The following BMP8A variants were observed in gnomAD, a reference collection of about 807,000 sequenced individuals.
The protein encoded by BMP8A is bone morphogenetic protein 8a.
BMP8A carries 14 observed loss-of-function variants against 36.8 expected under a neutral mutation model. The ratio of observed to expected loss-of-function variants is 0.38; its 90% confidence interval spans 0.25 to 0.60. BMP8A has a LOEUF of 0.60. Among genes scored for constraint, BMP8A ranks in the 20% least tolerant of loss-of-function variants. The probability of loss-of-function intolerance (pLI) is 0.63; values close to 1 mark genes in which losing one functional copy is unlikely to be tolerated. For missense variants in BMP8A, 267 were observed against 551.1 expected (o/e 0.48, Z 5.16); for synonymous variants, 120 against 237.7 (o/e 0.50, Z 4.55).
At chr1:39,525,526 G>A (rs1645474073) in intron 6 of BMP8A, 123 bp from the exon 7 acceptor site, 1 of 1,284,888 alleles carries the variant, frequency 7.8e-7, no homozygotes, top group Non-Finnish European at 1.1e-6. Flanking sequence ...TTATTATTGT[G>A]CTGCTCCCAT....
At position 39,519,006 on chromosome 1, in the gene BMP8A, C is replaced by T. The variant is rs1360996048; in HGVS notation, c.674-2370C>T. ...GCCTGTGAGACCTACAGAGGGGTTC[C>T]CAGCACCCAAGCCAGGCCTGGCTCA... On this transcript the variant is annotated intron_variant, in intron 3 of 6. Transcript: ENST00000331593. 7.7e-5 allele frequency among the ~76,000 whole-genome samples: 7 copies of T among 90,830 alleles called. 1 individual carries two copies. Among genetic ancestry groups the T allele is most frequent in the African/African-American group, 2.5e-4 (5 of 20,192 alleles). The allele number at this position is 90,830 out of a possible 152,430, so 59.6% of individuals were successfully genotyped here.
chr1:39,493,767 T>C (rs575750381), intron 1 of BMP8A, among the ~76,000 whole-genome samples: 2 of 152,214 alleles, frequency 1.3e-5, no homozygotes, highest in African/African-American at 2.4e-5. Flanking sequence ...GAGGAGACCA[T>C]CTGTGAAGCT....
intron 1 of BMP8A, among the ~76,000 whole-genome samples, chr1:39,505,224 T>G (rs1232065091): frequency 6.6e-6 from 1 of 152,178 alleles, no homozygotes; most frequent in Admixed American, 6.5e-5. Flanking sequence ...TATCTCAGGC[T>G]GTCTCAGTGC....
At chr1:39,492,995 C>T (rs937768890) in intron 1 of BMP8A, among the ~76,000 whole-genome samples, 8 of 152,196 alleles carry the variant, frequency 5.3e-5, no homozygotes, top group African/African-American at 1.9e-4. Context: ...CAGGCAAAGC[C>T]GGGCTTTTCC....
intron 6 of BMP8A, among the ~76,000 whole-genome samples, chr1:39,525,438 C>T (rs531820973): frequency 6.6e-6 from 1 of 152,272 alleles, no homozygotes; most frequent in East Asian, 1.9e-4. Context: ...TGCCATGTAT[C>T]CCTCCCTGGG....
Position 39,527,206 on chromosome 1 carries a change from T to G in BMP8A, c.*1408T>G, listed in dbSNP as rs1180342. Among the ~76,000 whole-genome samples, 84,959 of 152,042 alleles carry G rather than the reference T, an allele frequency of 0.56. 24,905 individuals carry two copies. The highest frequency in any genetic ancestry group is 0.77 in the South Asian group (3,697 of 4,818). On this transcript the variant is annotated 3_prime_UTR_variant, in exon 7 of 7. Transcript: ENST00000331593. ...CTGTGAGTCAAAGAAAAGGTCCCTG[T>G]CCCAGGGAGTGACAGGCAGTAATTA... is the stretch of plus-strand genomic sequence containing the variant.
intron 1 of BMP8A, among the ~76,000 whole-genome samples, chr1:39,500,672 A>T (rs1347424432): frequency 6.6e-6 from 1 of 150,922 alleles, no homozygotes; most frequent in Non-Finnish European, 1.5e-5. Flanking sequence ...TTTATTTTTG[A>T]GACGGAGTCT....
intron 1 of BMP8A, among the ~76,000 whole-genome samples, chr1:39,500,457 C>T (rs1442785213): frequency 2.6e-5 from 4 of 152,056 alleles, no homozygotes; most frequent in Non-Finnish European, 4.4e-5. Context: ...CAGAACAGCC[C>T]CTGCAACCGA....
intron 4 of BMP8A, chr1:39,522,199 T>A: frequency 1.8e-6 from 1 of 554,370 alleles, no homozygotes; most frequent in Non-Finnish European, 3.2e-6. Context: ...AGTGTCACTC[T>A]AGCCATTGGG....
Position 39,516,349 on chromosome 1 carries a change from C to A in BMP8A, c.673+4445C>A. On this transcript the variant is annotated intron_variant, in intron 3 of 6. Coordinates refer to ENST00000331593, the MANE Select transcript of BMP8A (RefSeq NM_181809.4). ...TGGACCGCATCATCACCGAGAAGGCCGTGTTTGACGTGCACAGGAAGAAAA... is the reference window on the plus strand; with the variant it reads ...TGGACCGCATCATCACCGAGAAGGCAGTGTTTGACGTGCACAGGAAGAAAA... The A allele has an allele frequency of 2.8e-6, 2 of 707,470 alleles. 1 individual carries two copies. Among genetic ancestry groups the A allele is most frequent in the South Asian group, 4.3e-5 (2 of 46,764 alleles). 43.8% of individuals were successfully genotyped at this position (707,470 alleles called of 1,614,324 possible). A position where few individuals can be genotyped will look rare whatever the true frequency, so the allele number is the denominator to read the frequency against.
At chr1:39,501,262 G>A (rs990057758) in intron 1 of BMP8A, among the ~76,000 whole-genome samples, 23 of 152,202 alleles carry the variant, frequency 1.5e-4, no homozygotes, top group Admixed American at 1.5e-3. Context: ...TCCCACCTCC[G>A]ATCACAGCCA....
intron 1 of BMP8A, among the ~76,000 whole-genome samples, chr1:39,494,050 C>T (rs1250081472): frequency 6.6e-6 from 1 of 152,194 alleles, no homozygotes; most frequent in Non-Finnish European, 1.5e-5. Context: ...AAAGGAGGTG[C>T]CTGGTGATCT....
Position 39,494,404 on chromosome 1 carries a change from G to A in BMP8A, c.334+2079G>A, listed in dbSNP as rs1328607483. Among the ~76,000 whole-genome samples, 4 of 143,832 alleles carry A rather than the reference G, an allele frequency of 2.8e-5. No individual in the cohort carries two copies. The East Asian group carries it at 8.2e-4, about 29-fold the overall frequency. The allele number at this position is 143,832 out of a possible 152,430, so 94.4% of individuals were successfully genotyped here. The stretch of plus-strand genomic sequence containing the variant: ...TTCACTGCATTCCCCAGGCTGGAGT[G>A]TAGTGGTGCGATTATAGCTCACTGC... On this transcript the variant is annotated intron_variant, in intron 1 of 6. Coordinates refer to ENST00000331593, the MANE Select transcript of BMP8A (RefSeq NM_181809.4).
chr1:39,505,574 C>T (rs563956967), intron 1 of BMP8A, among the ~76,000 whole-genome samples: 1 of 152,236 alleles, frequency 6.6e-6, no homozygotes, highest in African/African-American at 2.4e-5. Context: ...ATTTCTCTTT[C>T]CCCCACACAC....
chr1:39,500,934 G>A (rs1250378097), intron 1 of BMP8A, among the ~76,000 whole-genome samples: 3 of 152,220 alleles, frequency 2.0e-5, no homozygotes, highest in Non-Finnish European at 4.4e-5. Context: ...GATTACAGGT[G>A]TAAGTCACCA....
intron 1 of BMP8A, among the ~76,000 whole-genome samples, chr1:39,493,352 T>A (rs531399105): frequency 7.3e-6 from 1 of 137,070 alleles, no homozygotes; most frequent in Admixed American, 7.3e-5. Flanking sequence ...GACAGTGAGG[T>A]TCAGAGAGGC....
At chr1:39,511,450 G>GTGGAGCATTTCC (rs755700762) in intron 2 of BMP8A, 87 bp downstream of exon 2, 7 of 557,974 alleles carry the variant, frequency 1.3e-5, no homozygotes, top group Non-Finnish European at 6.4e-6. Flanking sequence ...GTCGTGGTGG[G>GTGGAGCATTTCC]CTGAAAGAGA....
intron 1 of BMP8A, among the ~76,000 whole-genome samples, chr1:39,509,905 C>T (rs1289846733): frequency 1.3e-5 from 2 of 152,248 alleles, no homozygotes; most frequent in Admixed American, 6.5e-5. Context: ...AGTGAGACTG[C>T]CCTAAATATA....
Position 39,525,776 on chromosome 1 carries a change from T to C in BMP8A, c.1187T>C (p.Val396Ala). 1 of 1,614,126 alleles carries C rather than the reference T, an allele frequency of 6.2e-7. No homozygotes were observed. The highest frequency in any genetic ancestry group is 8.5e-7 in the Non-Finnish European group (1 of 1,180,020). ...CTGCGCAAGCACCGCAACATGGTGGTCAAGGCCTGCGGCTGCCACTGAGTC... is the reference window on the plus strand; with the variant it reads ...CTGCGCAAGCACCGCAACATGGTGGCCAAGGCCTGCGGCTGCCACTGAGTC... ...VILRKHRNMV[V>A]KACGCH The change falls in exon 7 of 7, where the codon GTC becomes GCC. Residue 396 changes from valine to alanine, a missense_variant. Physicochemically the swap from Val to Ala is moderately conservative, Grantham distance 64. Around this residue, in one of 7 missense-constraint regions of BMP8A, gnomAD observed 132 missense variants for 151.3 expected, o/e 0.87. Transcript: ENST00000331593.
Sources: allele counts gnomAD v4.1 joint callset (sites outside exome capture counted in the v4.1 genomes callset), GRCh38; gene constraint gnomAD v4.1.1; regional missense constraint gnomAD v4.1.1; transcripts MANE v1.5; gene names NCBI Gene and HGNC (gene_info 2026-07-23, HGNC 2026-07-21).